QTMAN: variants seen among roughly 807,000 people sequenced by gnomAD.
The protein encoded by QTMAN is tRNA-queuosine alpha-mannosyltransferase.
At chr2:144,133,116 AATATATAT>A in the QTMAN span, among the ~76,000 whole-genome samples, 117 of 41,364 alleles carry the variant, frequency 2.8e-3, no homozygotes, top group East Asian at 0.013. Context: ...AATGACTGGT[AATATATAT>A]ATATATATAT....
chr2:144,254,092 C>T, the QTMAN span, among the ~76,000 whole-genome samples: 128 of 152,328 alleles, frequency 8.4e-4, no homozygotes, highest in African/African-American at 2.7e-3. Context: ...GTAGCTTCCA[C>T]GTAATGTTGG....
chr2:144,139,286 T>C, the QTMAN span, among the ~76,000 whole-genome samples: 5 of 152,080 alleles, frequency 3.3e-5, no homozygotes, highest in African/African-American at 7.2e-5. Flanking sequence ...AGAGGGAAGA[T>C]AGTCCTCTAT....
chr2:144,274,809 C>CA, the QTMAN span, among the ~76,000 whole-genome samples: 1 of 152,102 alleles, frequency 6.6e-6, no homozygotes, highest in African/African-American at 2.4e-5. Flanking sequence ...AGGAGGAGGT[C>CA]ATGGGAACCC....
At chr2:144,133,236 T>TA in the QTMAN span, among the ~76,000 whole-genome samples, 41 of 66,666 alleles carry the variant, frequency 6.2e-4, no homozygotes, top group African/African-American at 2.2e-3. Flanking sequence ...TATATTTATA[T>TA]TTATATATAA....
chr2:144,062,992 C>A, the QTMAN span, among the ~76,000 whole-genome samples: 8 of 152,124 alleles, frequency 5.3e-5, no homozygotes, highest in Non-Finnish European at 1.0e-4. Flanking sequence ...AACCATCCAG[C>A]CCCAGGCTAG....
the QTMAN span, among the ~76,000 whole-genome samples, chr2:144,112,378 C>G: frequency 6.6e-6 from 1 of 152,182 alleles, no homozygotes; most frequent in Non-Finnish European, 1.5e-5. Context: ...AGCTAGAGAA[C>G]TTTGAACCTA....
the QTMAN span, among the ~76,000 whole-genome samples, chr2:144,265,745 TCTAA>T: frequency 2.0e-5 from 3 of 152,114 alleles, no homozygotes; most frequent in South Asian, 4.1e-4. Context: ...CCACCCCTTC[TCTAA>T]CTGAGGACCT....
At chr2:144,070,273 A>G in the QTMAN span, among the ~76,000 whole-genome samples, 24 of 152,110 alleles carry the variant, frequency 1.6e-4, no homozygotes, top group African/African-American at 5.8e-4. Flanking sequence ...TTCTTCTAAA[A>G]TATTTTTAAA....
At chr2:144,318,353 A>C in the QTMAN span, among the ~76,000 whole-genome samples, 1 of 152,200 alleles carries the variant, frequency 6.6e-6, no homozygotes, top group Non-Finnish European at 1.5e-5. Context: ...TAAATGAATG[A>C]TGGCATTTAA....
At chr2:143,982,877 A>G in the QTMAN span, among the ~76,000 whole-genome samples, 1 of 150,704 alleles carries the variant, frequency 6.6e-6, no homozygotes, top group Admixed American at 6.6e-5. Context: ...AAAAAAAAGA[A>G]TAGATAATAA....
the QTMAN span, among the ~76,000 whole-genome samples, chr2:144,234,155 A>G: frequency 6.6e-6 from 1 of 152,170 alleles, no homozygotes; most frequent in Admixed American, 6.5e-5. Flanking sequence ...TCACAGAGAA[A>G]GAGGTGATAA....
chr2:144,090,117 G>C, the QTMAN span, among the ~76,000 whole-genome samples: 1 of 151,948 alleles, frequency 6.6e-6, no homozygotes, highest in South Asian at 2.1e-4. Flanking sequence ...ACAAGCAAAG[G>C]TAAGATTATC....
chr2:144,190,520 T>G, the QTMAN span, among the ~76,000 whole-genome samples: 12 of 152,320 alleles, frequency 7.9e-5, no homozygotes, highest in African/African-American at 2.9e-4. Flanking sequence ...CTTTTACTCA[T>G]GAAAATTGCT....
chr2:143,947,733 G>A, the QTMAN span, among the ~76,000 whole-genome samples: 1 of 152,208 alleles, frequency 6.6e-6, no homozygotes, highest in African/African-American at 2.4e-5. Context: ...ATGAGTAGCA[G>A]AGAAGGACAA....
the QTMAN span, among the ~76,000 whole-genome samples, chr2:144,210,309 T>C: frequency 6.6e-6 from 1 of 152,074 alleles, no homozygotes; most frequent in Non-Finnish European, 1.5e-5. Flanking sequence ...AATTAGAAAA[T>C]GCATGTGAAG....
At chr2:144,254,337 G>A in the QTMAN span, among the ~76,000 whole-genome samples, 5 of 152,156 alleles carry the variant, frequency 3.3e-5, no homozygotes, top group Admixed American at 6.5e-5. Flanking sequence ...CAGGAGAATC[G>A]TTTGAATCCA....
chr2:144,241,888 G>GA, the QTMAN span, among the ~76,000 whole-genome samples: 1 of 151,860 alleles, frequency 6.6e-6, no homozygotes, highest in Non-Finnish European at 1.5e-5. Context: ...TCATAGTAAC[G>GA]AAGCTATGAG....
At chr2:144,206,281 A>G in the QTMAN span, among the ~76,000 whole-genome samples, 1 of 152,210 alleles carries the variant, frequency 6.6e-6, no homozygotes, top group Non-Finnish European at 1.5e-5. Context: ...TGCACTAAAT[A>G]TACAAAAAGA....
At chr2:144,094,034 T>C in the QTMAN span, among the ~76,000 whole-genome samples, 1 of 152,180 alleles carries the variant, frequency 6.6e-6, no homozygotes, top group East Asian at 1.9e-4. Flanking sequence ...AAAATGTTAG[T>C]AAGAAATGGT....
Sources: gnomAD v4.1 joint callset for allele counts (sites outside exome capture counted in the v4.1 genomes callset) on GRCh38, gnomAD v4.1.1 for gene constraint, MANE v1.5 for transcripts, NCBI Gene and HGNC (gene_info 2026-07-23, HGNC 2026-07-21) for gene names.